Variants in LRP2 observed in about 807,000 individuals in gnomAD.
LRP2 encodes the protein low-density lipoprotein receptor-related protein 2.
LRP2 carries 172 observed loss-of-function variants against 531.0 expected under a neutral mutation model. The ratio of observed to expected loss-of-function variants is 0.32; its 90% CI spans 0.29 to 0.37. LRP2 has a LOEUF of 0.37. Ranked by LOEUF, LRP2 falls within the 10% of genes least tolerant of loss-of-function variation. The pLI is 1.00. For synonymous variants in LRP2, 1,992 were observed against 2,027.6 expected, an observed-to-expected ratio of 0.98 and a Z score of 0.47; for missense variants, 5,167 against 5,868.3, an observed-to-expected ratio of 0.88 and a Z score of 3.90.
chr2:169,139,442 G>C, intron 73 of LRP2, 71 bp from the exon 74 acceptor site: 1 of 1,613,328 alleles, frequency 6.2e-7, no homozygotes, highest in East Asian at 2.2e-5. Context: ...CTGGGGGCTA[G>C]AACCACTCCT....
At chr2:169,144,483 C>CT (rs1685837525) in intron 70 of LRP2, among the ~76,000 whole-genome samples, 1 of 150,508 alleles carries the variant, frequency 6.6e-6, no homozygotes, top group Non-Finnish European at 1.5e-5. Flanking sequence ...AGCCTCCAGA[C>CT]TTTCCTCTGC....
chr2:169,345,268 A>G (rs1685666902), intron 1 of LRP2, among the ~76,000 whole-genome samples: 1 of 152,180 alleles, frequency 6.6e-6, no homozygotes, highest in African/African-American at 2.4e-5. Flanking sequence ...AGTTTGGGGA[A>G]ATTTTGTTCT....
rs1686196914 is a variant in LRP2, at chr2:169,362,499, T to C, written c.-100A>G. ...CTCTGCTAGCGAACGCTCCTTTAGG[T>C]CTGCACCTCCGCCAGCTCCTAGTGG... is the stretch of plus-strand genomic sequence containing the variant. On this transcript the variant is annotated 5_prime_UTR_variant, in exon 1 of 79. Coordinates refer to ENST00000649046, the MANE Select transcript of LRP2 (RefSeq NM_004525.3). 9.5e-7 allele frequency: 1 copy of C among 1,052,788 alleles called. No individual in the cohort carries two copies. The highest frequency in any genetic ancestry group is 2.0e-4 in the Middle Eastern group (1 of 5,010). The allele number at this position is 1,052,788 out of a possible 1,614,324, so 65.2% of individuals were successfully genotyped here. A position where few individuals can be genotyped will look rare whatever the true frequency, so the allele number is the denominator to read the frequency against.
chr2:169,331,319 G>C (rs990844075), intron 1 of LRP2, among the ~76,000 whole-genome samples: 1 of 152,092 alleles, frequency 6.6e-6, no homozygotes, highest in African/African-American at 2.4e-5. Context: ...AATATAAATT[G>C]ACAATCACTT....
chr2:169,314,991 G>A (rs2544377), intron 3 of LRP2, among the ~76,000 whole-genome samples: 50,800 of 152,046 alleles, frequency 0.33, 9,093 homozygotes, highest in African/African-American at 0.48. Context: ...ATCAGTGCTC[G>A]TTCAATTACC....
At chr2:169,208,840 A>G (rs548637245) in intron 38 of LRP2, among the ~76,000 whole-genome samples, 33 of 152,186 alleles carry the variant, frequency 2.2e-4, no homozygotes, top group Non-Finnish European at 3.5e-4. Context: ...ATTATATTCC[A>G]AAACATATAA....
intron 1 of LRP2, among the ~76,000 whole-genome samples, chr2:169,346,197 G>T (rs1319332973): frequency 6.6e-6 from 1 of 152,088 alleles, no homozygotes; most frequent in Non-Finnish European, 1.5e-5. Flanking sequence ...ATCCTTCTTA[G>T]CCCAAGTCCC....
chr2:169,190,098 G>C (rs1353611631), intron 48 of LRP2, among the ~76,000 whole-genome samples: 1 of 152,132 alleles, frequency 6.6e-6, no homozygotes, highest in Non-Finnish European at 1.5e-5. Flanking sequence ...TTACATCTAA[G>C]ACTAATGCTA....
intron 44 of LRP2, among the ~76,000 whole-genome samples, chr2:169,199,918 A>G (rs1410817531): frequency 6.6e-6 from 1 of 152,210 alleles, no homozygotes; most frequent in Non-Finnish European, 1.5e-5. Context: ...TAAAATGTAA[A>G]CAACCTGTAA....
chr2:169,239,818 T>C lies in LRP2; in HGVS notation c.4046-43A>G, dbSNP rs1234204115. On this transcript the variant is annotated intron_variant, in intron 25 of 78. Coordinates refer to ENST00000649046, the MANE Select transcript of LRP2 (RefSeq NM_004525.3). ...AATAATGAAAAAAGAAAATCAAGAA[T>C]CTTTGCTTCTTTGATTCACTCTTAT... The C allele has an allele frequency of 3.3e-6, 5 of 1,515,626 alleles. No homozygotes were observed. The South Asian group carries it at 5.6e-5, about 17-fold the overall frequency. 93.9% of individuals were successfully genotyped at this position (1,515,626 alleles called of 1,614,324 possible). A position where few individuals can be genotyped will look rare whatever the true frequency, so the allele number is the denominator to read the frequency against.
In LRP2 at chr2:169,146,952, A is replaced by T; in HGVS notation, c.12598T>A (p.Phe4200Ile). The change falls in exon 69 of 79, where the codon TTC (phenylalanine) becomes ATC (isoleucine). Residue 4200 changes from phenylalanine to isoleucine, a missense_variant. By Grantham distance (21) the Phe-to-Ile change is conservative. Transcript: ENST00000649046. Reference sequence around the variant, plus strand: ...GGTTCCTTTCCCCAGTCAGTCCAGAACATAAGCCTATAACAGAAGATTTCT... The same window carrying T: ...GGTTCCTTTCCCCAGTCAGTCCAGATCATAAGCCTATAACAGAAGATTTCT... ...IAVNPKLGLM[F>I]WTDWGKEPKI... 6.2e-7 allele frequency: 1 copy of T among 1,610,092 alleles called. No individual in the cohort carries two copies. Among genetic ancestry groups the T allele is most frequent in the Non-Finnish European group, 8.5e-7 (1 of 1,177,362 alleles).
Position 169,362,304 on chromosome 2 carries a change from T to TCCACGAGAGG in LRP2, c.79+16_79+17insCCTCTCGTGG. 6.5e-7 allele frequency: 1 copy of TCCACGAGAGG among 1,549,496 alleles called. No individual in the cohort carries two copies. The highest frequency in any genetic ancestry group is 8.7e-7 in the Non-Finnish European group (1 of 1,146,116). ...GGGAAGTGGGGGCTCCACGAGAGGC[T>TCCACGAGAGG]CTGGCTGGGCTCTTACCTTGGCCAC... On this transcript the variant is annotated intron_variant, in intron 1 of 78. Coordinates refer to ENST00000649046, the MANE Select transcript of LRP2 (RefSeq NM_004525.3).
chr2:169,335,716 TC>T (rs1433576043), intron 1 of LRP2, among the ~76,000 whole-genome samples: 1 of 152,148 alleles, frequency 6.6e-6, no homozygotes, highest in Non-Finnish European at 1.5e-5. Flanking sequence ...TTCAAATTTT[TC>T]CTAAAAGCAT....
At chr2:169,286,316 T>A (rs889128401) in intron 9 of LRP2, among the ~76,000 whole-genome samples, 1 of 152,198 alleles carries the variant, frequency 6.6e-6, no homozygotes, top group African/African-American at 2.4e-5. Context: ...TGTACTAAAG[T>A]CCCAGAAACG....
chr2:169,185,457 A>G, intron 50 of LRP2, 46 bp downstream of exon 50: 4 of 1,593,450 alleles, frequency 2.5e-6, no homozygotes, highest in Non-Finnish European at 3.4e-6. Flanking sequence ...CATGGTTAGA[A>G]TTTTTTAATT....
At chr2:169,272,584 A>T (rs192267009) in intron 15 of LRP2, among the ~76,000 whole-genome samples, 1 of 152,304 alleles carries the variant, frequency 6.6e-6, no homozygotes, top group East Asian at 1.9e-4. Context: ...TACATAGCAT[A>T]GAAAAGAGCT....
intron 63 of LRP2, among the ~76,000 whole-genome samples, chr2:169,161,251 T>C (rs367570613): frequency 6.6e-6 from 1 of 152,182 alleles, no homozygotes; most frequent in East Asian, 1.9e-4. Context: ...CTGAGCTTTA[T>C]TACATAGACA....
chr2:169,206,216 C>T, intron 39 of LRP2, 28 bp from the exon 40 acceptor site: 2 of 1,614,006 alleles, frequency 1.2e-6, no homozygotes, highest in Non-Finnish European at 1.7e-6. Flanking sequence ...GACACACACA[C>T]AAGCACACAC....
intron 17 of LRP2, among the ~76,000 whole-genome samples, chr2:169,258,259 T>C (rs1049806683): frequency 6.6e-6 from 1 of 152,054 alleles, no homozygotes; most frequent in African/African-American, 2.4e-5. Context: ...CTTTCACAAG[T>C]CACTTTATCT....
Sources: allele counts gnomAD v4.1 joint callset (sites outside exome capture counted in the v4.1 genomes callset), GRCh38; gene constraint gnomAD v4.1.1; transcripts MANE v1.5; gene names NCBI Gene and HGNC (gene_info 2026-07-23, HGNC 2026-07-21).